Variants in ARHGAP42 observed in about 807,000 individuals in gnomAD.
The protein encoded by ARHGAP42 is Rho GTPase activating protein 42, also known as rho GTPase-activating protein 42.
ARHGAP42 carries 63 observed loss-of-function variants against 125.0 expected under a neutral mutation model. The ratio of observed to expected loss-of-function variants is 0.50; its 90% CI spans 0.41 to 0.62. The LOEUF (loss-of-function observed/expected upper bound fraction) is 0.62. Among genes scored for constraint, ARHGAP42 ranks in the 20% least tolerant of loss-of-function variants. The probability of loss-of-function intolerance (pLI) is 0.00; values close to 1 mark genes in which losing one functional copy is unlikely to be tolerated. For synonymous variants in ARHGAP42, 339 were observed against 351.0 expected (o/e 0.97, Z 0.38); for missense variants, 766 against 1,024.2 (o/e 0.75, Z 3.44).
intron 3 of ARHGAP42, among the ~76,000 whole-genome samples, chr11:100,800,267 G>A (rs1863819360): frequency 6.6e-6 from 1 of 152,128 alleles, no homozygotes; most frequent in Non-Finnish European, 1.5e-5. Flanking sequence ...ATCGAGGCAG[G>A]AGGTTATTGA....
At chr11:100,908,287 A>G (rs1257065714) in intron 4 of ARHGAP42, among the ~76,000 whole-genome samples, 1 of 152,212 alleles carries the variant, frequency 6.6e-6, no homozygotes, top group Admixed American at 6.5e-5. Flanking sequence ...TCAGTGGAAG[A>G]CATTGAGTTG....
At chr11:100,790,453 T>C (rs1278711256) in intron 2 of ARHGAP42, among the ~76,000 whole-genome samples, 8 of 152,184 alleles carry the variant, frequency 5.3e-5, no homozygotes, top group Non-Finnish European at 1.2e-4. Flanking sequence ...AAAATTTATA[T>C]ATGAAACTAT....
chr11:100,756,293 T>C (rs943630686), intron 1 of ARHGAP42, among the ~76,000 whole-genome samples: 3 of 150,370 alleles, frequency 2.0e-5, no homozygotes, highest in African/African-American at 7.4e-5. Flanking sequence ...AGCTACTCTG[T>C]AGGCTGAGGC....
chr11:100,699,429 A>G lies in ARHGAP42; in HGVS notation c.154+11597A>G, dbSNP rs532790383. ...TGTCTGCATTAATATATTTTTATAT[A>G]TAGAGAGATTAATGATTTTTTTCTT... On this transcript the variant is annotated intron_variant, in intron 1 of 23. Coordinates refer to ENST00000298815, the MANE Select transcript of ARHGAP42 (RefSeq NM_152432.4). Among the ~76,000 whole-genome samples, 9 of 143,984 alleles carry G rather than the reference A, an allele frequency of 6.3e-5. No homozygotes were observed. In the East Asian group the frequency reaches 1.6e-3, roughly 26 times the overall value. 94.5% of individuals were successfully genotyped at this position (143,984 alleles called of 152,430 possible). A position where few individuals can be genotyped will look rare whatever the true frequency, so the allele number is the denominator to read the frequency against.
intron 4 of ARHGAP42, among the ~76,000 whole-genome samples, chr11:100,897,940 C>T (rs2135202957): frequency 6.6e-6 from 1 of 152,234 alleles, no homozygotes; most frequent in Middle Eastern, 3.4e-3. Flanking sequence ...GGAATGTTTC[C>T]AGTTTTTGCC....
intron 3 of ARHGAP42, among the ~76,000 whole-genome samples, chr11:100,836,052 TA>T (rs773829604): frequency 1.3e-5 from 2 of 152,070 alleles, no homozygotes; most frequent in Non-Finnish European, 2.9e-5. Flanking sequence ...AGTTCACACT[TA>T]ATAAAGAGTT....
intron 5 of ARHGAP42, among the ~76,000 whole-genome samples, chr11:100,917,805 C>T (rs1331169954): frequency 6.6e-6 from 1 of 152,152 alleles, no homozygotes; most frequent in Non-Finnish European, 1.5e-5. Flanking sequence ...CTCCTGACCT[C>T]AAGTGATCCT....
At chr11:100,840,169 A>G (rs1401149101) in intron 3 of ARHGAP42, among the ~76,000 whole-genome samples, 1 of 152,192 alleles carries the variant, frequency 6.6e-6, no homozygotes, top group African/African-American at 2.4e-5. Context: ...ATATTCTTTT[A>G]AAACAGCTAA....
At chr11:100,730,341 A>G (rs764282772) in intron 1 of ARHGAP42, among the ~76,000 whole-genome samples, 1 of 152,112 alleles carries the variant, frequency 6.6e-6, no homozygotes, top group Admixed American at 6.5e-5. Context: ...GAAAATCAGC[A>G]GTTTTGTATT....
chr11:100,926,093 C>T (rs935616003), intron 6 of ARHGAP42, among the ~76,000 whole-genome samples: 5 of 152,112 alleles, frequency 3.3e-5, no homozygotes, highest in Non-Finnish European at 5.9e-5. Context: ...GCTTAGAAAA[C>T]GGAATCTTGT....
chr11:100,942,268 G>A (rs1441287388), intron 9 of ARHGAP42, among the ~76,000 whole-genome samples: 1 of 152,124 alleles, frequency 6.6e-6, no homozygotes, highest in African/African-American at 2.4e-5. Flanking sequence ...GGCCTCTGAG[G>A]GAGGCTACAT....
chr11:100,721,484 T>C (rs923457065), intron 1 of ARHGAP42, among the ~76,000 whole-genome samples: 6 of 151,906 alleles, frequency 3.9e-5, no homozygotes, highest in South Asian at 2.1e-4. Context: ...CTTTTCTTTT[T>C]TTTTTGGAGG....
chr11:100,796,050 G>A (rs1279457130), intron 3 of ARHGAP42, among the ~76,000 whole-genome samples: 1 of 151,906 alleles, frequency 6.6e-6, no homozygotes, highest in Non-Finnish European at 1.5e-5. Flanking sequence ...TTTGTTTTTC[G>A]TTTGTTTTGT....
intron 1 of ARHGAP42, among the ~76,000 whole-genome samples, chr11:100,713,448 G>A (rs1299049703): frequency 1.3e-5 from 2 of 152,044 alleles, no homozygotes; most frequent in Non-Finnish European, 2.9e-5. Flanking sequence ...TACAACCTTG[G>A]GCAAGTTCTT....
intron 1 of ARHGAP42, among the ~76,000 whole-genome samples, chr11:100,761,181 C>T (rs750183471): frequency 5.9e-4 from 90 of 152,028 alleles, no homozygotes; most frequent in Admixed American, 1.3e-4. Context: ...CTTGGGCTGC[C>T]AGCATCTAAA....
chr11:100,947,594 A>C (rs562633164), intron 10 of ARHGAP42, among the ~76,000 whole-genome samples: 1 of 152,086 alleles, frequency 6.6e-6, no homozygotes, highest in South Asian at 2.1e-4. Context: ...TCAATATTTT[A>C]TTTTTGGTAT....
chr11:100,905,835 A>G (rs1201633873), intron 4 of ARHGAP42, among the ~76,000 whole-genome samples: 8 of 152,102 alleles, frequency 5.3e-5, no homozygotes, highest in African/African-American at 1.9e-4. Flanking sequence ...AAAATTAGCC[A>G]GGAATGGTGG....
chr11:100,805,991 C>A (rs1466823837), intron 3 of ARHGAP42, among the ~76,000 whole-genome samples: 1 of 152,172 alleles, frequency 6.6e-6, no homozygotes, highest in Non-Finnish European at 1.5e-5. Flanking sequence ...TAAGAATCCC[C>A]AACCTCCTGG....
At chr11:100,817,203 C>T (rs1005021071) in intron 3 of ARHGAP42, among the ~76,000 whole-genome samples, 5 of 152,160 alleles carry the variant, frequency 3.3e-5, no homozygotes, top group African/African-American at 1.2e-4. Flanking sequence ...TAGCGGCATC[C>T]CTGTACTCTA....
Sources: allele counts gnomAD v4.1 joint callset (sites outside exome capture counted in the v4.1 genomes callset), GRCh38; gene constraint gnomAD v4.1.1; transcripts MANE v1.5; gene names NCBI Gene and HGNC (gene_info 2026-07-23, HGNC 2026-07-21).